Variants in HAAO observed in about 807,000 individuals in gnomAD.
HAAO encodes the protein 3-hydroxyanthranilate 3,4-dioxygenase.
A neutral mutation model predicts 46.2 loss-of-function variants in HAAO; 49 were observed. The ratio of observed to expected loss-of-function variants is 1.06; its 90% confidence interval spans 0.84 to 1.34. The LOEUF (loss-of-function observed/expected upper bound fraction) is 1.34. HAAO is among the 40% of genes most tolerant of loss of function. The pLI is 0.00. For missense variants in HAAO, 408 were observed against 364.5 expected (o/e 1.12, Z -0.97); for synonymous variants, 157 against 145.2 (o/e 1.08, Z -0.58).
In HAAO at chr2:42,788,624, G is replaced by C. The variant is rs757870491; in HGVS notation, c.81-17C>G. On this transcript the variant is annotated splice_polypyrimidine_tract_variant and intron_variant, in intron 1 of 9. Transcript: ENST00000294973. The stretch of plus-strand genomic sequence containing the variant: ...TCCTGGTGCCTGCAATGCGCAAAGT[G>C]GGGGAGACGTTCTAAACCATCTCCT... The C allele has an allele frequency of 5.0e-6, 7 of 1,409,170 alleles. No homozygotes were observed. The highest frequency in any genetic ancestry group is 3.3e-5 in the Admixed American group (2 of 59,704). 87.3% of individuals were successfully genotyped at this position (1,409,170 alleles called of 1,614,324 possible). A position where few individuals can be genotyped will look rare whatever the true frequency, so the allele number is the denominator to read the frequency against.
Position 42,767,108 on chromosome 2 carries a change from T to G in HAAO, c.*329A>C. The G allele has an allele frequency of 1.4e-5, 6 of 424,646 alleles. No individual in the cohort carries two copies. Among genetic ancestry groups the G allele is most frequent in the South Asian group, 2.5e-5 (1 of 40,478 alleles). 26.3% of individuals were successfully genotyped at this position (424,646 alleles called of 1,614,324 possible). On this transcript the variant is annotated 3_prime_UTR_variant, in exon 10 of 10. Coordinates refer to ENST00000294973, the MANE Select transcript of HAAO (RefSeq NM_012205.3). ...CAGGTGTGCGTTCCTCAGGAAGCCTTTATTGAGGGCCTTCTTGGTGTGGAA... is the reference window on the plus strand; with the variant it reads ...CAGGTGTGCGTTCCTCAGGAAGCCTGTATTGAGGGCCTTCTTGGTGTGGAA...
At chr2:42,774,205 C>T (rs1012769646) in intron 4 of HAAO, among the ~76,000 whole-genome samples, 6 of 152,194 alleles carry the variant, frequency 3.9e-5, no homozygotes, top group East Asian at 1.9e-4. Flanking sequence ...GGCTGTGTCA[C>T]GAGCGTGCAT....
In HAAO at chr2:42,785,063, C is replaced by T. The variant is rs532276913; in HGVS notation, c.160-1196G>A. ...GCAGTGCATAGTTAAAAGCCCTCAG[C>T]TCTGCCAGGGTGCTGTGTGCCCTTG... On this transcript the variant is annotated intron_variant, in intron 2 of 9. Transcript: ENST00000294973. 5.9e-5 allele frequency among the ~76,000 whole-genome samples: 9 copies of T among 152,322 alleles called. No homozygotes were observed. In the South Asian group the frequency reaches 8.3e-4, roughly 14 times the overall value.
chr2:42,772,096 GAAGAT>G (rs966979257), intron 4 of HAAO, among the ~76,000 whole-genome samples: 23 of 152,200 alleles, frequency 1.5e-4, no homozygotes, highest in South Asian at 6.2e-4. Flanking sequence ...ATTTTTTCTA[GAAGAT>G]AAGACCACGT....
At chr2:42,774,000 T>C (rs890291372) in intron 4 of HAAO, among the ~76,000 whole-genome samples, 1 of 152,198 alleles carries the variant, frequency 6.6e-6, no homozygotes, top group Admixed American at 6.5e-5. Flanking sequence ...CAACCATTTG[T>C]CTCTTTTCTA....
intron 6 of HAAO, 71 bp downstream of exon 6, chr2:42,770,072 C>A (rs1558659327): frequency 1.4e-6 from 2 of 1,451,374 alleles, no homozygotes; most frequent in Non-Finnish European, 9.6e-7. Flanking sequence ...TCCCCGGTCC[C>A]CTGGACCAAA....
chr2:42,787,023 C>T (rs897126227), intron 2 of HAAO, among the ~76,000 whole-genome samples: 5 of 152,148 alleles, frequency 3.3e-5, no homozygotes, highest in Non-Finnish European at 5.9e-5. Context: ...CCAAGTGCTG[C>T]ACCACCCCGC....
chr2:42,778,968 C>T (rs1403980971), intron 4 of HAAO, among the ~76,000 whole-genome samples: 1 of 151,978 alleles, frequency 6.6e-6, no homozygotes, highest in African/African-American at 2.4e-5. Flanking sequence ...ACAAAATTAG[C>T]CAGGCATGGT....
In HAAO at chr2:42,777,498, C is replaced by G. The variant is rs921784611; in HGVS notation, c.350+5816G>C. Among the ~76,000 whole-genome samples, 4 of 152,052 alleles carry G rather than the reference C, an allele frequency of 2.6e-5. No homozygotes were observed. The South Asian group carries it at 8.3e-4, about 31-fold the overall frequency. On this transcript the variant is annotated intron_variant, in intron 4 of 9. Transcript: ENST00000294973. Reference sequence around the variant, plus strand: ...GGCTCTAATTAACTAAACTAAGTGCCTCTCAAAGTTAGTTCAGCCTATGAA... The same window carrying G: ...GGCTCTAATTAACTAAACTAAGTGCGTCTCAAAGTTAGTTCAGCCTATGAA...
At chr2:42,774,485 CT>C (rs534653921) in intron 4 of HAAO, among the ~76,000 whole-genome samples, 4 of 151,960 alleles carry the variant, frequency 2.6e-5, no homozygotes, top group East Asian at 1.9e-4. Flanking sequence ...GTACAACTCC[CT>C]TTTTTTTGGA....
chr2:42,770,664 G>A, intron 4 of HAAO, 82 bp from the exon 5 acceptor site: 1 of 822,298 alleles, frequency 1.2e-6, no homozygotes, highest in Non-Finnish European at 1.9e-6. Flanking sequence ...GGCTCTGCTT[G>A]TAGAAGTCCC....
chr2:42,792,333 A>G (rs540777024), intron 1 of HAAO, 124 bp downstream of exon 1: 26 of 531,462 alleles, frequency 4.9e-5, no homozygotes, highest in Admixed American at 7.6e-5. Context: ...CCAAGAACCA[A>G]GAGATTAAAG....
intron 4 of HAAO, among the ~76,000 whole-genome samples, chr2:42,773,961 G>C (rs1181595404): frequency 6.6e-6 from 1 of 152,154 alleles, no homozygotes. Flanking sequence ...GCCTCCTCTG[G>C]AGAGACTAAT....
In HAAO at chr2:42,783,866, AC is replaced by A. The variant is rs1159905760; in HGVS notation, c.160del (p.Val54TyrfsTer60). On this transcript the variant is annotated frameshift_variant and splice_region_variant, in exon 3 of 10. Coordinates refer to ENST00000294973, the MANE Select transcript of HAAO (RefSeq NM_012205.3). LOFTEE classifies it high-confidence loss of function. ...CATGTCTCCCTCCAGCTGGTAAAATACCTGTGGGACAGGAGAGAGGCTTGGA... is the reference window on the plus strand; with the variant it reads ...CATGTCTCCCTCCAGCTGGTAAAATACTGTGGGACAGGAGAGAGGCTTGGA... The part of the protein sequence containing the change: ...KDYHIEEGEE[V>X]FYQLEGDMVL... The A allele has an allele frequency of 1.9e-6, 3 of 1,607,890 alleles. No homozygotes were observed. The South Asian group carries it at 3.3e-5, about 18-fold the overall frequency.
intron 4 of HAAO, among the ~76,000 whole-genome samples, chr2:42,777,550 A>G (rs1291191819): frequency 2.6e-5 from 4 of 152,174 alleles, no homozygotes; most frequent in Non-Finnish European, 5.9e-5. Flanking sequence ...GTTAGAAGCA[A>G]GATGGAATCA....
intron 4 of HAAO, among the ~76,000 whole-genome samples, chr2:42,776,228 C>A (rs976142051): frequency 1.1e-4 from 15 of 137,398 alleles, no homozygotes; most frequent in African/African-American, 4.1e-4. Context: ...ACTTGGCATC[C>A]ATCTTTTTTT....
chr2:42,767,720 C>G (rs1194653778), intron 8 of HAAO, 43 bp from the exon 9 acceptor site: 1 of 1,551,222 alleles, frequency 6.4e-7, no homozygotes, highest in Non-Finnish European at 8.8e-7. Context: ...ACTGTTGGGC[C>G]TCATCACCTG....
At chr2:42,788,688 G>A in intron 1 of HAAO, 81 bp from the exon 2 acceptor site, 1 of 888,230 alleles carries the variant, frequency 1.1e-6, no homozygotes, top group Non-Finnish European at 1.9e-6. Flanking sequence ...GGGCCAGGAG[G>A]GAGCCTGAGG....
Position 42,770,147 on chromosome 2 carries a change from G to T in HAAO, c.480C>A (p.Ile160=). 6.2e-7 allele frequency: 1 copy of T among 1,604,122 alleles called. No homozygotes were observed. The highest frequency in any genetic ancestry group is 8.5e-7 in the Non-Finnish European group (1 of 1,174,342). The change falls in exon 6 of 10, where the codon ATC becomes ATA. Residue 160 remains isoleucine, a synonymous_variant. Transcript: ENST00000294973. ...SSEQYRTGKP[I]PDQLLKEPPF... is the part of the protein sequence containing the mutation. The stretch of plus-strand genomic sequence containing the variant: ...GGCAGTTCCCAGCGGCCTCACCAGG[G>T]ATGGGCTTTCCTGTTCTGTACTGCT...
Sources: allele counts gnomAD v4.1 joint callset (sites outside exome capture counted in the v4.1 genomes callset), GRCh38; gene constraint gnomAD v4.1.1; transcripts MANE v1.5; gene names NCBI Gene and HGNC (gene_info 2026-07-23, HGNC 2026-07-21).